CACNA1B: variants seen among roughly 807,000 people sequenced by gnomAD.
The protein encoded by CACNA1B is voltage-dependent N-type calcium channel subunit alpha-1B.
A neutral mutation model predicts 247.2 loss-of-function variants in CACNA1B; 70 were observed. The observed-to-expected ratio is 0.28, with a 90% confidence interval of 0.23 to 0.35. The LOEUF (loss-of-function observed/expected upper bound fraction) is 0.35. CACNA1B is among the 10% of genes least tolerant of loss of function. CACNA1B has a pLI of 1.00. For missense variants in CACNA1B, 2,367 were observed against 3,197.4 expected, an observed-to-expected ratio of 0.74 and a Z score of 6.26; for synonymous variants, 1,231 against 1,294.4, an observed-to-expected ratio of 0.95 and a Z score of 1.05.
intron 31 of CACNA1B, among the ~76,000 whole-genome samples, chr9:138,062,153 G>A (rs540671007): frequency 6.6e-6 from 1 of 152,280 alleles, no homozygotes; most frequent in South Asian, 2.1e-4. Flanking sequence ...CTGACCAGCC[G>A]TTTGTGCCTG....
chr9:138,005,945 A>G (rs1320951127), intron 15 of CACNA1B, among the ~76,000 whole-genome samples: 4 of 150,036 alleles, frequency 2.7e-5, no homozygotes, highest in African/African-American at 9.8e-5. Flanking sequence ...TGGGAGGCTG[A>G]GGCAGGAGAA....
At chr9:138,022,050 T>C (rs933579792) in intron 18 of CACNA1B, among the ~76,000 whole-genome samples, 2 of 152,226 alleles carry the variant, frequency 1.3e-5, no homozygotes, top group Non-Finnish European at 2.9e-5. Flanking sequence ...CTCTGGGCTA[T>C]GGAGCCCCAT....
In CACNA1B at chr9:138,051,947, C is replaced by T; in HGVS notation, c.3711-145C>T. The T allele has an allele frequency of 1.7e-6, 1 of 575,714 alleles. No homozygotes were observed. Among genetic ancestry groups the T allele is most frequent in the Non-Finnish European group, 3.1e-6 (1 of 317,580 alleles). The allele number at this position is 575,714 out of a possible 1,614,324, so 35.7% of individuals were successfully genotyped here. A position where few individuals can be genotyped will look rare whatever the true frequency, so the allele number is the denominator to read the frequency against. On this transcript the variant is annotated intron_variant, in intron 24 of 46. Transcript: ENST00000371372. The surrounding 1 kb of genome is among the most constrained non-coding windows in gnomAD (Gnocchi z 4.3). ...ATGGTGGCCTGTGGCACCTGCAGGG[C>T]AAGGCCTCTCTGCTCCTGGGTCCTC...
intron 10 of CACNA1B, among the ~76,000 whole-genome samples, chr9:137,958,137 A>AC (rs34888610): frequency 0.32 from 48,645 of 152,102 alleles, 9,871 homozygotes; most frequent in East Asian, 0.65. Flanking sequence ...CTTGCTGTAC[A>AC]GCAGTCTGTG....
chr9:138,073,913 G>GTGA lies in CACNA1B; in HGVS notation c.4792-87_4792-85dup. 8.8e-6 allele frequency: 9 copies of GTGA among 1,021,434 alleles called. No homozygotes were observed. The highest frequency in any genetic ancestry group is 1.4e-5 in the Non-Finnish European group (9 of 652,930). 63.3% of individuals were successfully genotyped at this position (1,021,434 alleles called of 1,614,324 possible). A position where few individuals can be genotyped will look rare whatever the true frequency, so the allele number is the denominator to read the frequency against. On this transcript the variant is annotated intron_variant, in intron 33 of 46. Transcript: ENST00000371372. This position sits in a 1 kb window ranked among gnomAD's most constrained non-coding sequence, Gnocchi z 6.4. ...GGAGCTTGAGTAGGCTGAGGTCTGTGTGACCTCAAAGGCCCAGCCACCGTA... is the reference window on the plus strand; with the variant it reads ...GGAGCTTGAGTAGGCTGAGGTCTGTGTGATGACCTCAAAGGCCCAGCCACCGTA...
Position 138,023,816 on chromosome 9 carries a change from G to T in CACNA1B, c.3068+5G>T. 1 of 1,312,232 alleles carries T rather than the reference G, an allele frequency of 7.6e-7. No individual in the cohort carries two copies. Among genetic ancestry groups the T allele is most frequent in the South Asian group, 1.3e-5 (1 of 79,766 alleles). 81.3% of individuals were successfully genotyped at this position (1,312,232 alleles called of 1,614,324 possible). On this transcript the variant is annotated splice_donor_5th_base_variant and intron_variant, in intron 19 of 46. Coordinates refer to ENST00000371372, the MANE Select transcript of CACNA1B (RefSeq NM_000718.4). ...GCTCCGGAACCACCAGCCCCGGTGA[G>T]TCCGCGGCTGGGCGGGGTCAGGGAG...
At chr9:138,006,709 C>T (rs1245720340) in intron 15 of CACNA1B, 58 bp from the exon 16 acceptor site, 55 of 915,594 alleles carry the variant, frequency 6.0e-5, no homozygotes, top group African/African-American at 4.9e-5. Context: ...GGTGGGGGTG[C>T]GTGTGTGTGG....
intron 15 of CACNA1B, among the ~76,000 whole-genome samples, chr9:138,001,620 GA>G (rs1454843354): frequency 3.3e-5 from 5 of 151,808 alleles, no homozygotes; most frequent in African/African-American, 4.8e-5. Flanking sequence ...AAAAGGAATA[GA>G]AAAAAACTAT....
chr9:137,999,028 T>TG (rs1377950145), intron 15 of CACNA1B, among the ~76,000 whole-genome samples: 1 of 152,084 alleles, frequency 6.6e-6, no homozygotes, highest in East Asian at 1.9e-4. Flanking sequence ...ACTGTCCAGC[T>TG]GGGCACAGTT....
At chr9:137,951,115 G>T (rs2133336055) in intron 6 of CACNA1B, among the ~76,000 whole-genome samples, 1 of 152,314 alleles carries the variant, frequency 6.6e-6, no homozygotes, top group Non-Finnish European at 1.5e-5. Context: ...TGGTGGCTTT[G>T]GTGGCCACTC....
In CACNA1B at chr9:137,903,169, G is replaced by A. The variant is rs1957258679; in HGVS notation, c.531-10011G>A. 2.0e-5 allele frequency among the ~76,000 whole-genome samples: 3 copies of A among 152,040 alleles called. No individual in the cohort carries two copies. In the South Asian group the frequency reaches 6.2e-4, roughly 31 times the overall value. On this transcript the variant is annotated intron_variant, in intron 3 of 46. Coordinates refer to ENST00000371372, the MANE Select transcript of CACNA1B (RefSeq NM_000718.4). The stretch of plus-strand genomic sequence containing the variant: ...GAGGCTGAGGCGGGCGGATCACGGG[G>A]TCAAGAGATCGAGACCATTATGGTC...
intron 10 of CACNA1B, among the ~76,000 whole-genome samples, chr9:137,965,218 A>G (rs916578818): frequency 2.0e-5 from 3 of 152,262 alleles, no homozygotes; most frequent in Admixed American, 2.0e-4. Flanking sequence ...GCTTTTTGAT[A>G]GAGCAGCTGT....
At position 138,052,249 on chromosome 9, in the gene CACNA1B, C is replaced by CGTGTGGGCGTGTGT. The variant is rs1554752989; in HGVS notation, c.3807+66_3807+67insGGCGTGTGTGTGTG. ...GTGTGTGTGTGCGTGTGTGTGTGTG[C>CGTGTGGGCGTGTGT]GTGTGTGTGTGTGTATGCATGCAGT... On this transcript the variant is annotated intron_variant, in intron 25 of 46. Coordinates refer to ENST00000371372, the MANE Select transcript of CACNA1B (RefSeq NM_000718.4). This position sits in a 1 kb window ranked among gnomAD's most constrained non-coding sequence, Gnocchi z 5.1. The CGTGTGGGCGTGTGT allele has an allele frequency of 1.0e-3, 781 of 779,432 alleles. 4 individuals carry two copies. The African/African-American group carries it at 0.012, about 12-fold the overall frequency. 48.3% of individuals were successfully genotyped at this position (779,432 alleles called of 1,614,324 possible).
intron 36 of CACNA1B, 125 bp downstream of exon 36, chr9:138,078,383 G>C (rs748779413): frequency 6.5e-6 from 6 of 929,336 alleles, no homozygotes; most frequent in Admixed American, 4.9e-5. Flanking sequence ...AGTCCATGCT[G>C]ATGGCCCTTG....
At position 138,025,024 on chromosome 9, in the gene CACNA1B, C is replaced by T. The variant is rs1354846000; in HGVS notation, c.3138C>T (p.Thr1046=). The change falls in exon 20 of 47, where the codon ACC becomes ACT. Residue 1046 remains threonine, a synonymous_variant. Transcript: ENST00000371372. ...GTCCCATGCACACACTGCCCAGCAC[C>T]TGTCTCCAGAAGGTGGAGGAACAGC... ...TVGPMHTLPS[T]CLQKVEEQPE... 1.2e-6 allele frequency: 2 copies of T among 1,605,144 alleles called. No homozygotes were observed. Among genetic ancestry groups the T allele is most frequent in the East Asian group, 2.3e-5 (1 of 44,434 alleles).
rs1233660100 is a variant in CACNA1B at position 137,990,247 on chromosome 9, TA to T, written c.1974+3395del. 1.3e-5 allele frequency among the ~76,000 whole-genome samples: 2 copies of T among 152,024 alleles called. No homozygotes were observed. The highest frequency in any genetic ancestry group is 3.2e-3 in the Middle Eastern group (1 of 316). ...AATGGCCTTAATCCTCCTGGGAACA[TA>T]ACTCCATTGGACTGAGAACCACACA... On this transcript the variant is annotated intron_variant, in intron 15 of 46. Coordinates refer to ENST00000371372, the MANE Select transcript of CACNA1B (RefSeq NM_000718.4). This position sits in a 1 kb window ranked among gnomAD's most constrained non-coding sequence, Gnocchi z 4.5.
chr9:138,047,084 G>C, intron 22 of CACNA1B, 51 bp downstream of exon 22: 1 of 1,549,188 alleles, frequency 6.5e-7, no homozygotes. Context: ...GGGGGAGCTG[G>C]GTGCCTTCCC....
intron 24 of CACNA1B, chr9:138,049,976 GA>G (rs2133485219): frequency 1.2e-6 from 1 of 813,578 alleles, no homozygotes; most frequent in South Asian, 1.4e-5. Context: ...GTGGACGACA[GA>G]CATGAGGGAG....
Position 138,057,595 on chromosome 9 carries a change from G to T in CACNA1B, c.3969-137G>T, listed in dbSNP as rs1304389028. 5 of 733,050 alleles carry T rather than the reference G, an allele frequency of 6.8e-6. No individual in the cohort carries two copies. The Admixed American group carries it at 1.2e-4, about 17-fold the overall frequency. The allele number at this position is 733,050 out of a possible 1,614,324, so 45.4% of individuals were successfully genotyped here. A position where few individuals can be genotyped will look rare whatever the true frequency, so the allele number is the denominator to read the frequency against. ...TAGGGTCACATTCATTCTTCTGCAT[G>T]TGGACATCCAGTTTTCCCAGCACAG... On this transcript the variant is annotated intron_variant, in intron 26 of 46. Transcript: ENST00000371372. This position sits in a 1 kb window ranked among gnomAD's most constrained non-coding sequence, Gnocchi z 4.0.
Sources: gnomAD v4.1 joint callset for allele counts (sites outside exome capture counted in the v4.1 genomes callset) on GRCh38, gnomAD v4.1.1 for gene constraint, Gnocchi (gnomAD v3.1) non-coding constraint, MANE v1.5 for transcripts, NCBI Gene and HGNC (gene_info 2026-07-23, HGNC 2026-07-21) for gene names.